The following LIPT2 variants were observed in gnomAD, a reference collection of about 807,000 sequenced individuals.
LIPT2 encodes the protein lipoyl(octanoyl) transferase 2.
In LIPT2, 16 loss-of-function variants were observed where a neutral mutation model predicts 16.2. That is an observed-to-expected ratio of 0.99 (90% CI 0.67 to 1.50). The LOEUF is 1.50. Among genes scored for constraint, LIPT2 ranks in the 40% most tolerant of loss-of-function variants. LIPT2 has a pLI of 0.00. For missense variants in LIPT2, 424 were observed against 347.7 expected (o/e 1.22, Z -1.75); for synonymous variants, 199 against 169.3 (o/e 1.18, Z -1.36).
rs955913491 is a variant in LIPT2, at chr11:74,493,491, C to T, written c.213G>A (p.Ala71=). ...LRGGLTPEET[A]RLRALGAEVR... ...CCTCGGCGCCCAAGGCCCGTAGCCG[C>T]GCAGTTTCCTCGGGCGTCAGGCCGC... The change falls in exon 1 of 2, where the codon GCG becomes GCA. Residue 71 remains alanine, a synonymous_variant. Transcript: ENST00000310109. The T allele has an allele frequency of 1.2e-5, 18 of 1,450,760 alleles. No homozygotes were observed. In the African/African-American group the frequency reaches 2.5e-4, roughly 20 times the overall value. 89.9% of individuals were successfully genotyped at this position (1,450,760 alleles called of 1,614,324 possible).
In LIPT2 at chr11:74,490,676, C is replaced by A. The variant is rs1020261410; in HGVS notation, c.*1459G>T. 6.6e-6 allele frequency among the ~76,000 whole-genome samples: 1 copy of A among 151,966 alleles called. No individual in the cohort carries two copies. The highest frequency in any genetic ancestry group is 1.5e-5 in the Non-Finnish European group (1 of 67,994). On this transcript the variant is annotated 3_prime_UTR_variant, in exon 2 of 2. Coordinates refer to ENST00000310109, the MANE Select transcript of LIPT2 (RefSeq NM_001144869.3). ...AGGAGTCTGAGACCAGCTTGGGCAA[C>A]ATAGCAAAGCCTCATTTCTTAAAAA... is the stretch of plus-strand genomic sequence containing the variant.
chr11:74,493,526 C>G lies in LIPT2; in HGVS notation c.178G>C (p.Gly60Arg). ...CEPAGPVYTA[G>R]LRGGLTPEET... ...TCGGGCGTCAGGCCGCCGCGCAGCC[C>G]GGCCGTATACACGGGCCCCGCGGGC... is the stretch of plus-strand genomic sequence containing the variant. Residue 60 changes from glycine (G) to arginine (R), a missense_variant, in exon 1 of 2, where the codon GGG becomes CGG. Transcript: ENST00000310109. The G allele has an allele frequency of 7.0e-7, 1 of 1,420,440 alleles. No homozygotes were observed. The highest frequency in any genetic ancestry group is 1.4e-5 in the South Asian group (1 of 69,214). 88.0% of individuals were successfully genotyped at this position (1,420,440 alleles called of 1,614,324 possible). A position where few individuals can be genotyped will look rare whatever the true frequency, so the allele number is the denominator to read the frequency against.
rs370742983 is a variant in LIPT2, at chr11:74,492,924, GT to G, written c.466+313del. Among the ~76,000 whole-genome samples the G allele has an allele frequency of 5.0e-3, 681 of 136,506 alleles. 9 individuals are homozygous for G. Among genetic ancestry groups the G allele is most frequent in the African/African-American group, 0.018 (655 of 37,274 alleles). 89.6% of individuals were successfully genotyped at this position (136,506 alleles called of 152,430 possible). A position where few individuals can be genotyped will look rare whatever the true frequency, so the allele number is the denominator to read the frequency against. ...GTCTCAAAAAAAAAAAAAAAAAAAA[GT>G]TTGAAAATTAGCACCCTTATTTGCC... On this transcript the variant is annotated intron_variant, in intron 1 of 1. Coordinates refer to ENST00000310109, the MANE Select transcript of LIPT2 (RefSeq NM_001144869.3).
Position 74,492,189 on chromosome 11 carries a change from C to A in LIPT2, c.642G>T (p.Val214=), listed in dbSNP as rs1285077220. 6.4e-7 allele frequency: 1 copy of A among 1,551,562 alleles called. No homozygotes were observed. The highest frequency in any genetic ancestry group is 1.2e-5 in the South Asian group (1 of 84,052). ...TGCACTTGTAGATCTCCTTAAAGGC[C>A]ACAAGGAAAGGTGGCATTACTTCTT... ...TVEEVMPPFL[V]AFKEIYKCTL... Residue 214 remains valine, a synonymous_variant, in exon 2 of 2, where the codon GTG becomes GTT. Transcript: ENST00000310109.
In LIPT2 at chr11:74,490,890, C is replaced by G. The variant is rs1037775201; in HGVS notation, c.*1245G>C. On this transcript the variant is annotated 3_prime_UTR_variant, in exon 2 of 2. Coordinates refer to ENST00000310109, the MANE Select transcript of LIPT2 (RefSeq NM_001144869.3). ...AGAGCCAGAACTGGAACCAGGGTCC[C>G]CTGACTTCTCATTCGAGGCTCTTTC... is the stretch of plus-strand genomic sequence containing the variant. Among the ~76,000 whole-genome samples the G allele has an allele frequency of 6.6e-6, 1 of 152,136 alleles. No individual in the cohort carries two copies. The highest frequency in any genetic ancestry group is 1.5e-5 in the Non-Finnish European group (1 of 68,028).
At chr11:74,492,883 G>T (rs1474647394) in intron 1 of LIPT2, among the ~76,000 whole-genome samples, 1 of 138,966 alleles carries the variant, frequency 7.2e-6, no homozygotes, top group Non-Finnish European at 1.5e-5. Flanking sequence ...CAGCCTGGGT[G>T]ACAAAGCGAG....
chr11:74,493,530 C>G lies in LIPT2; in HGVS notation c.174G>C (p.Thr58=). Residue 58 remains threonine, a synonymous_variant, in exon 1 of 2, where the codon ACG becomes ACC. Coordinates refer to ENST00000310109, the MANE Select transcript of LIPT2 (RefSeq NM_001144869.3). Reference sequence around the variant, plus strand: ...GCGTCAGGCCGCCGCGCAGCCCGGCCGTATACACGGGCCCCGCGGGCTCGC... The same window carrying G: ...GCGTCAGGCCGCCGCGCAGCCCGGCGGTATACACGGGCCCCGCGGGCTCGC... The part of the protein sequence containing the change: ...LLCEPAGPVY[T]AGLRGGLTPE... 1 of 1,420,708 alleles carries G rather than the reference C, an allele frequency of 7.0e-7. No individual in the cohort carries two copies. The highest frequency in any genetic ancestry group is 9.1e-7 in the Non-Finnish European group (1 of 1,092,970). The allele number at this position is 1,420,708 out of a possible 1,614,324, so 88.0% of individuals were successfully genotyped here.
Position 74,493,460 on chromosome 11 carries a change from C to T in LIPT2, c.244G>A (p.Val82Ile), listed in dbSNP as rs916568449. The stretch of plus-strand genomic sequence containing the variant: ...GTGGCCAGGCCACCGCGGCCTGTGA[C>T]GCGCACCTCGGCGCCCAAGGCCCGT... ...RLRALGAEVR[V>I]TGRGGLATFH... Residue 82 changes from valine (V) to isoleucine (I), a missense_variant, in exon 1 of 2, where the codon GTC (valine) becomes ATC (isoleucine). Val to Ile is a conservative substitution (Grantham distance 29). Coordinates refer to ENST00000310109, the MANE Select transcript of LIPT2 (RefSeq NM_001144869.3). 4.0e-6 allele frequency: 6 copies of T among 1,488,096 alleles called. No individual in the cohort carries two copies. In the African/African-American group the frequency reaches 7.3e-5, roughly 18 times the overall value. 92.2% of individuals were successfully genotyped at this position (1,488,096 alleles called of 1,614,324 possible). A position where few individuals can be genotyped will look rare whatever the true frequency, so the allele number is the denominator to read the frequency against.
In LIPT2 at chr11:74,493,433, A is replaced by G. The variant is rs1233810331; in HGVS notation, c.271T>C (p.Phe91Leu). 1.3e-6 allele frequency: 2 copies of G among 1,505,008 alleles called. No individual in the cohort carries two copies. The highest frequency in any genetic ancestry group is 5.4e-5 in the East Asian group (2 of 37,144). 93.2% of individuals were successfully genotyped at this position (1,505,008 alleles called of 1,614,324 possible). Residue 91 changes from phenylalanine (F) to leucine (L), a missense_variant, in exon 1 of 2, where the codon TTC becomes CTC. Phe to Leu is a conservative substitution (Grantham distance 22). Coordinates refer to ENST00000310109, the MANE Select transcript of LIPT2 (RefSeq NM_001144869.3). ...RVTGRGGLAT[F>L]HGPGQLLCHP... Reference sequence around the variant, plus strand: ...CAAAGCAGCTGGCCCGGGCCGTGGAAGGTGGCCAGGCCACCGCGGCCTGTG... The same window carrying G: ...CAAAGCAGCTGGCCCGGGCCGTGGAGGGTGGCCAGGCCACCGCGGCCTGTG...
chr11:74,492,009 T>C lies in LIPT2; in HGVS notation c.*126A>G, dbSNP rs868409055. The C allele has an allele frequency of 2.4e-5, 16 of 665,438 alleles. No individual in the cohort carries two copies. Among genetic ancestry groups the C allele is most frequent in the South Asian group, 2.0e-4 (11 of 55,050 alleles). The allele number at this position is 665,438 out of a possible 1,614,324, so 41.2% of individuals were successfully genotyped here. A position where few individuals can be genotyped will look rare whatever the true frequency, so the allele number is the denominator to read the frequency against. On this transcript the variant is annotated 3_prime_UTR_variant, in exon 2 of 2. Transcript: ENST00000310109. ...TATGAAAATAGTGGCTCAGAGCTCA[T>C]GGTATGTCCTTAGTTTCATGATCAG...
In LIPT2 at chr11:74,491,948, A is replaced by C. The variant is rs546709732; in HGVS notation, c.*187T>G. On this transcript the variant is annotated 3_prime_UTR_variant, in exon 2 of 2. Transcript: ENST00000310109. ...AGTATTGTCACATCTAGTATCTCTG[A>C]GGTAGGTGGGGAAGATATAAATAAA... The C allele has an allele frequency of 5.1e-6, 3 of 586,702 alleles. No homozygotes were observed. The South Asian group carries it at 6.1e-5, about 12-fold the overall frequency. 36.3% of individuals were successfully genotyped at this position (586,702 alleles called of 1,614,324 possible). A position where few individuals can be genotyped will look rare whatever the true frequency, so the allele number is the denominator to read the frequency against.
In LIPT2 at chr11:74,493,539, G is replaced by GC; in HGVS notation, c.164_165insG (p.Val56ArgfsTer125). 1.4e-6 allele frequency: 2 copies of GC among 1,417,226 alleles called. No homozygotes were observed. Among genetic ancestry groups the GC allele is most frequent in the Non-Finnish European group, 1.8e-6 (2 of 1,090,562 alleles). The allele number at this position is 1,417,226 out of a possible 1,614,324, so 87.8% of individuals were successfully genotyped here. On this transcript the variant is annotated frameshift_variant, in exon 1 of 2. Transcript: ENST00000310109. LOFTEE classifies it high-confidence loss of function. ...CGCCGCGCAGCCCGGCCGTATACAC[G>GC]GGCCCCGCGGGCTCGCAGAGCAGGA...
rs1419005367 is a variant in LIPT2, at chr11:74,493,576, T to A, written c.128A>T (p.Glu43Val). ...EPGIEAPSGT[E>V]AGALLLCEPA... ...CTCGCAGAGCAGGAGCGCGCCCGCC[T>A]CAGTCCCCGACGGGGCCTCAATGCC... Residue 43 changes from glutamate (E) to valine (V), a missense_variant, in exon 1 of 2, where the codon GAG becomes GTG. Physicochemically the swap from Glu to Val is moderately radical, Grantham distance 121 (BLOSUM62 -2). Transcript: ENST00000310109. The A allele has an allele frequency of 6.9e-7, 1 of 1,447,484 alleles. No homozygotes were observed. Among genetic ancestry groups the A allele is most frequent in the South Asian group, 1.4e-5 (1 of 73,600 alleles). 89.7% of individuals were successfully genotyped at this position (1,447,484 alleles called of 1,614,324 possible). A position where few individuals can be genotyped will look rare whatever the true frequency, so the allele number is the denominator to read the frequency against.
chr11:74,491,329 A>T lies in LIPT2; in HGVS notation c.*806T>A, dbSNP rs1054343170. On this transcript the variant is annotated 3_prime_UTR_variant, in exon 2 of 2. Transcript: ENST00000310109. ...AAGTTCGTGTGAGACCCTAACCTAG[A>T]AACACCCAGCTAAGCTTCCCCCAAA... 6.6e-6 allele frequency among the ~76,000 whole-genome samples: 1 copy of T among 152,216 alleles called. No homozygotes were observed. The highest frequency in any genetic ancestry group is 2.4e-5 in the African/African-American group (1 of 41,444).
rs569101414 is a variant in LIPT2 at position 74,492,044 on chromosome 11, G to C, written c.*91C>G. On this transcript the variant is annotated 3_prime_UTR_variant, in exon 2 of 2. Transcript: ENST00000310109. ...TTAGTTTCATGATCAGTGAATGACA[G>C]GCCAGGTCTAAAATCTGGGTTTCAG... The C allele has an allele frequency of 8.0e-6, 7 of 874,756 alleles. No individual in the cohort carries two copies. The highest frequency in any genetic ancestry group is 5.3e-5 in the East Asian group (2 of 37,536). 54.2% of individuals were successfully genotyped at this position (874,756 alleles called of 1,614,324 possible).
Position 74,492,072 on chromosome 11 carries a change from G to A in LIPT2, c.*63C>T. On this transcript the variant is annotated 3_prime_UTR_variant, in exon 2 of 2. Transcript: ENST00000310109. ...CAGGTCTAAAATCTGGGTTTCAGTAGGTGACTCAAGTCAGACTTCATGCTT... is the reference window on the plus strand; with the variant it reads ...CAGGTCTAAAATCTGGGTTTCAGTAAGTGACTCAAGTCAGACTTCATGCTT... 1 of 1,326,570 alleles carries A rather than the reference G, an allele frequency of 7.5e-7. No individual in the cohort carries two copies. The allele number at this position is 1,326,570 out of a possible 1,614,324, so 82.2% of individuals were successfully genotyped here.
At position 74,490,938 on chromosome 11, in the gene LIPT2, C is replaced by T. The variant is rs1300593858; in HGVS notation, c.*1197G>A. ...TTCCACTCTTAATAGGCTGTGGTGG[C>T]CATTCTTCAAGATGGCCCCTAATAA... On this transcript the variant is annotated 3_prime_UTR_variant, in exon 2 of 2. Transcript: ENST00000310109. 6.6e-6 allele frequency among the ~76,000 whole-genome samples: 1 copy of T among 152,210 alleles called. No individual in the cohort carries two copies. Among genetic ancestry groups the T allele is most frequent in the Admixed American group, 6.5e-5 (1 of 15,288 alleles).
At chr11:74,492,803 C>G (rs1864373774) in intron 1 of LIPT2, among the ~76,000 whole-genome samples, 1 of 150,008 alleles carries the variant, frequency 6.7e-6, no homozygotes, top group African/African-American at 2.5e-5. Context: ...ACTCTGGAGG[C>G]TGAGGCAGGA....
At position 74,491,933 on chromosome 11, in the gene LIPT2, C is replaced by T. The variant is rs995034651; in HGVS notation, c.*202G>A. On this transcript the variant is annotated 3_prime_UTR_variant, in exon 2 of 2. Transcript: ENST00000310109. The stretch of plus-strand genomic sequence containing the variant: ...TGTGTTGCTTTTCACAGTATTGTCA[C>T]ATCTAGTATCTCTGAGGTAGGTGGG... 1.7e-6 allele frequency: 1 copy of T among 577,626 alleles called. No homozygotes were observed. The highest frequency in any genetic ancestry group is 3.1e-6 in the Non-Finnish European group (1 of 321,714). 35.8% of individuals were successfully genotyped at this position (577,626 alleles called of 1,614,324 possible).
Sources: gnomAD v4.1 joint callset for allele counts (sites outside exome capture counted in the v4.1 genomes callset) on GRCh38, gnomAD v4.1.1 for gene constraint, MANE v1.5 for transcripts, NCBI Gene and HGNC (gene_info 2026-07-23, HGNC 2026-07-21) for gene names.